The following DOC2B variants were observed in gnomAD, a reference collection of about 807,000 sequenced individuals.
DOC2B encodes double C2 domain beta.
A neutral mutation model predicts 28.9 loss-of-function variants in DOC2B; 21 were observed. The ratio of observed to expected loss-of-function variants is 0.73; its 90% CI spans 0.52 to 1.05. DOC2B has a LOEUF of 1.05. DOC2B is among the 50% of genes least tolerant of loss of function. The pLI is 0.00. For synonymous variants in DOC2B, 194 were observed against 178.1 expected (o/e 1.09, Z -0.71); for missense variants, 384 against 421.1 (o/e 0.91, Z 0.77).
At chr17:149,526 T>C (rs1211388376) in intron 6 of DOC2B, among the ~76,000 whole-genome samples, 1 of 151,946 alleles carries the variant, frequency 6.6e-6, no homozygotes, top group Non-Finnish European at 1.5e-5. Context: ...CAGAACAGAG[T>C]TTTTAGCAGA....
chr17:162,176 T>C lies in DOC2B; in HGVS notation c.543A>G (p.Arg181=). Residue 181 remains arginine, a synonymous_variant, in exon 4 of 9, where the codon AGA becomes AGG. Transcript: ENST00000613549. The part of the protein sequence containing the change: ...LPGASKANKL[R]TKTLRNTLNP... ...TCAGAGTGTTACGGAGAGTTTTTGT[T>C]CTGAGCTTATTTGCCTGGAGAAGAG... 6.4e-7 allele frequency: 1 copy of C among 1,551,746 alleles called. No homozygotes were observed. Among genetic ancestry groups the C allele is most frequent in the Non-Finnish European group, 8.7e-7 (1 of 1,146,890 alleles).
chr17:171,992 C>T (rs1450885644), intron 2 of DOC2B, among the ~76,000 whole-genome samples: 3 of 150,698 alleles, frequency 2.0e-5, no homozygotes, highest in Non-Finnish European at 4.4e-5. Context: ...GAGGGGAGCA[C>T]CAGCGGCCGG....
At chr17:147,778 C>G (rs1423445684) in intron 8 of DOC2B, among the ~76,000 whole-genome samples, 19 of 152,190 alleles carry the variant, frequency 1.2e-4, no homozygotes, top group Admixed American at 1.1e-3. Flanking sequence ...TCCACCAGGG[C>G]AGGGATAGGG....
At chr17:158,265 C>T (rs1439980475) in intron 5 of DOC2B, among the ~76,000 whole-genome samples, 1 of 151,972 alleles carries the variant, frequency 6.6e-6, no homozygotes, top group Admixed American at 6.6e-5. Context: ...AGGCCCTCAG[C>T]CCCCCCAGAC....
intron 2 of DOC2B, among the ~76,000 whole-genome samples, chr17:170,799 G>A (rs1231073601): frequency 7.9e-6 from 1 of 127,142 alleles, no homozygotes; most frequent in Non-Finnish European, 1.8e-5. Context: ...CAGGGGCCGG[G>A]CCAGGCTGCA....
chr17:164,057 A>G (rs1597827053), intron 3 of DOC2B, 73 bp downstream of exon 3: 1 of 1,266,088 alleles, frequency 7.9e-7, no homozygotes, highest in Non-Finnish European at 1.1e-6. Flanking sequence ...CCCCAAAGCA[A>G]AAGGACCAGA....
In DOC2B at chr17:146,918, G is replaced by A. The variant is rs1046185318; in HGVS notation, c.*523C>T. On this transcript the variant is annotated 3_prime_UTR_variant, in exon 9 of 9. Coordinates refer to ENST00000613549, the MANE Select transcript of DOC2B (RefSeq NM_003585.5). Reference sequence around the variant, plus strand: ...AATTTACCCATCATCAGGAGCCTCCGGGAACTCTGGCAGACTTTCGGCCGG... The same window carrying A: ...AATTTACCCATCATCAGGAGCCTCCAGGAACTCTGGCAGACTTTCGGCCGG... 3.3e-3 allele frequency: 507 copies of A among 153,128 alleles called. 3 individuals carry two copies. The highest frequency in any genetic ancestry group is 6.7e-3 in the Middle Eastern group (2 of 298). The allele number at this position is 153,128 out of a possible 1,614,324, so 9.5% of individuals were successfully genotyped here.
rs749518257 is a variant in DOC2B at position 164,242 on chromosome 17, G to A, written c.454-38C>T. ...GAGCAAACGGTGTGAACTGGAAATCGGGGACATGGAACTGACAGGGCCTGC... is the reference window on the plus strand; with the variant it reads ...GAGCAAACGGTGTGAACTGGAAATCAGGGACATGGAACTGACAGGGCCTGC... On this transcript the variant is annotated intron_variant, in intron 2 of 8. Transcript: ENST00000613549. 43 of 1,482,324 alleles carry A rather than the reference G, an allele frequency of 2.9e-5. No individual in the cohort carries two copies. In the Admixed American group the frequency reaches 5.9e-4, roughly 20 times the overall value. 91.8% of individuals were successfully genotyped at this position (1,482,324 alleles called of 1,614,324 possible). A position where few individuals can be genotyped will look rare whatever the true frequency, so the allele number is the denominator to read the frequency against.
intron 1 of DOC2B, among the ~76,000 whole-genome samples, chr17:179,556 G>C (rs1217344714): frequency 6.6e-6 from 1 of 152,230 alleles, no homozygotes; most frequent in African/African-American, 2.4e-5. Flanking sequence ...CCGTTCTTCT[G>C]GGGGAGGCTT....
In DOC2B at chr17:181,469, C is replaced by T. The variant is rs548884378; in HGVS notation, c.11G>A (p.Arg4Gln). 2,736 of 1,111,852 alleles carry T rather than the reference C, an allele frequency of 2.5e-3. 12 individuals are homozygous for T. Among genetic ancestry groups the T allele is most frequent in the Middle Eastern group, 7.1e-3 (18 of 2,542 alleles). 68.9% of individuals were successfully genotyped at this position (1,111,852 alleles called of 1,614,324 possible). A position where few individuals can be genotyped will look rare whatever the true frequency, so the allele number is the denominator to read the frequency against. Residue 4 changes from arginine (R) to glutamine (Q), a missense_variant, in exon 1 of 9, where the codon CGG becomes CAG. Physicochemically the swap from Arg to Gln is conservative, Grantham distance 43. Coordinates refer to ENST00000613549, the MANE Select transcript of DOC2B (RefSeq NM_003585.5). The surrounding 1 kb of genome is among the most constrained non-coding windows in gnomAD (Gnocchi z 7.0). ...GATGGTCGCCTTCTCCCCGCGCCGC[C>T]GGAGGGTCATGCAGGCAGCGCCGCC... MTL[R>Q]RRGEKATISI...
At position 146,791 on chromosome 17, in the gene DOC2B, G is replaced by A. The variant is rs2040022629; in HGVS notation, c.*650C>T. On this transcript the variant is annotated 3_prime_UTR_variant, in exon 9 of 9. Transcript: ENST00000613549. ...TGGTATTTCTCACCCCAGTTGGAATGGTTTGTTCCCAGCTTCCTGACTAGA... is the reference window on the plus strand; with the variant it reads ...TGGTATTTCTCACCCCAGTTGGAATAGTTTGTTCCCAGCTTCCTGACTAGA... 1 of 152,258 alleles carries A rather than the reference G, an allele frequency of 6.6e-6. No individual in the cohort carries two copies. The highest frequency in any genetic ancestry group is 1.5e-5 in the Non-Finnish European group (1 of 68,078). 9.4% of individuals were successfully genotyped at this position (152,258 alleles called of 1,614,324 possible).
rs1330660861 is a variant in DOC2B, at chr17:172,221, C to G, written c.453+316G>C. ...ACCCGCCCTCCCTTGGCCTGCAGGA[C>G]AGACATCACCCTGCCCCTCTCTTTC... On this transcript the variant is annotated intron_variant, in intron 2 of 8. Coordinates refer to ENST00000613549, the MANE Select transcript of DOC2B (RefSeq NM_003585.5). Among the ~76,000 whole-genome samples, 3 of 151,518 alleles carry G rather than the reference C, an allele frequency of 2.0e-5. No individual in the cohort carries two copies. In the East Asian group the frequency reaches 5.8e-4, roughly 29 times the overall value.
At position 181,481 on chromosome 17, in the gene DOC2B, C is replaced by T; in HGVS notation, c.-2G>A. ...CTCCCCGCGCCGCCGGAGGGTCATGCAGGCAGCGCCGCCCCGCCCCGGGCG... is the reference window on the plus strand; with the variant it reads ...CTCCCCGCGCCGCCGGAGGGTCATGTAGGCAGCGCCGCCCCGCCCCGGGCG... On this transcript the variant is annotated 5_prime_UTR_variant, in exon 1 of 9. Coordinates refer to ENST00000613549, the MANE Select transcript of DOC2B (RefSeq NM_003585.5). This position sits in a 1 kb window ranked among gnomAD's most constrained non-coding sequence, Gnocchi z 7.0. 1 of 1,049,120 alleles carries T rather than the reference C, an allele frequency of 9.5e-7. No individual in the cohort carries two copies. Among genetic ancestry groups the T allele is most frequent in the South Asian group, 3.6e-5 (1 of 27,494 alleles). 65.0% of individuals were successfully genotyped at this position (1,049,120 alleles called of 1,614,324 possible). A position where few individuals can be genotyped will look rare whatever the true frequency, so the allele number is the denominator to read the frequency against.
chr17:171,978 TG>T (rs2040316902), intron 2 of DOC2B, among the ~76,000 whole-genome samples: 2 of 149,336 alleles, frequency 1.3e-5, no homozygotes, highest in South Asian at 2.1e-4. Context: ...CGGGCCAGGC[TG>T]CAGAGGGGAG....
intron 6 of DOC2B, among the ~76,000 whole-genome samples, chr17:153,636 C>T (rs557929177): frequency 2.6e-5 from 4 of 151,660 alleles, no homozygotes; most frequent in African/African-American, 7.3e-5. Context: ...GGGAGGCAGA[C>T]GTTGCAGTGA....
intron 4 of DOC2B, 95 bp from the exon 5 acceptor site, chr17:161,636 G>T: frequency 1.2e-5 from 18 of 1,513,974 alleles, no homozygotes; most frequent in Middle Eastern, 1.8e-4. Flanking sequence ...GGCTTCTCCT[G>T]CCCCAAGCCC....
At chr17:179,778 C>T (rs904564414) in intron 1 of DOC2B, among the ~76,000 whole-genome samples, 2 of 88,120 alleles carry the variant, frequency 2.3e-5, no homozygotes, top group South Asian at 8.9e-4. Flanking sequence ...CCAGCCCCCA[C>T]GCCCCAGGGC....
chr17:172,604 G>A lies in DOC2B; in HGVS notation c.386C>T (p.Thr129Met), dbSNP rs767488468. The part of the protein sequence containing the change: ...YESDDCTALG[T>M]LDFSLLYDQE... ...GTCATACAGCAGGCTGAAGTCCAGC[G>A]TGCCCAGGGCAGCTGCGGACAGAGG... The change falls in exon 2 of 9, where the codon ACG becomes ATG. Residue 129 changes from threonine (T) to methionine (M), a missense_variant. Physicochemically the swap from Thr to Met is moderately conservative, Grantham distance 81. Coordinates refer to ENST00000613549, the MANE Select transcript of DOC2B (RefSeq NM_003585.5). 24 of 1,550,584 alleles carry A rather than the reference G, an allele frequency of 1.5e-5. 1 individual carries two copies. In the Middle Eastern group the frequency reaches 1.2e-3, roughly 76 times the overall value.
rs1464068961 is a variant in DOC2B, at chr17:144,001, G to A, written c.*3440C>T. On this transcript the variant is annotated 3_prime_UTR_variant, in exon 9 of 9. Transcript: ENST00000613549. ...GACGGGCCGGGGCGCAGTTCCCCGC[G>A]CTCGCCACTAGAGGTCAGGAGGTGA... 1.3e-5 allele frequency: 2 copies of A among 151,866 alleles called. No individual in the cohort carries two copies. The highest frequency in any genetic ancestry group is 3.0e-5 in the Non-Finnish European group (2 of 67,780). The allele number at this position is 151,866 out of a possible 1,614,324, so 9.4% of individuals were successfully genotyped here.
Sources: allele counts gnomAD v4.1 joint callset (sites outside exome capture counted in the v4.1 genomes callset), GRCh38; gene constraint gnomAD v4.1.1; non-coding constraint Gnocchi (gnomAD v3.1); transcripts MANE v1.5; gene names NCBI Gene and HGNC (gene_info 2026-07-23, HGNC 2026-07-21).